Variants in AHI1 observed in about 807,000 individuals in gnomAD.
AHI1 encodes jouberin.
AHI1 carries 123 observed loss-of-function variants against 149.3 expected under a neutral mutation model. The observed-to-expected ratio is 0.82, with a 90% confidence interval of 0.71 to 0.96. The LOEUF (loss-of-function observed/expected upper bound fraction) is 0.96, where lower values mean the gene tolerates loss of function less well. Ranked by LOEUF, AHI1 falls within the 40% of genes least tolerant of loss-of-function variation. The pLI is 0.00. For missense variants in AHI1, 1,439 were observed against 1,422.7 expected (o/e 1.01, Z -0.18); for synonymous variants, 475 against 459.8 (o/e 1.03, Z -0.42).
rs1278116767 is a variant in AHI1 at position 135,284,530 on chromosome 6, T to C, written c.*1115A>G. On this transcript the variant is annotated 3_prime_UTR_variant, in exon 29 of 29. Coordinates refer to ENST00000265602, the MANE Select transcript of AHI1 (RefSeq NM_001134831.2). ...AAAAAATGAATATCCCATTATAATATCAAACTTCAAAACATATAGTCTATA... is the reference window on the plus strand; with the variant it reads ...AAAAAATGAATATCCCATTATAATACCAAACTTCAAAACATATAGTCTATA... The C allele has an allele frequency of 6.6e-6, 1 of 152,138 alleles. No homozygotes were observed. The highest frequency in any genetic ancestry group is 1.5e-5 in the Non-Finnish European group (1 of 68,020). 9.4% of individuals were successfully genotyped at this position (152,138 alleles called of 1,614,324 possible).
intron 3 of AHI1, among the ~76,000 whole-genome samples, chr6:135,493,980 T>C (rs928985299): frequency 6.6e-6 from 1 of 152,074 alleles, no homozygotes; most frequent in Admixed American, 6.5e-5. Flanking sequence ...AATGTGGAGG[T>C]TGCAGGGAGC....
intron 23 of AHI1, among the ~76,000 whole-genome samples, chr6:135,392,994 GA>G (rs1452438402): frequency 6.6e-6 from 1 of 152,090 alleles, no homozygotes; most frequent in African/African-American, 2.4e-5. Flanking sequence ...ACATTTCTAA[GA>G]AAGATACGCC....
intron 21 of AHI1, among the ~76,000 whole-genome samples, chr6:135,406,198 C>G (rs1780774902): frequency 6.6e-6 from 1 of 152,200 alleles, no homozygotes; most frequent in Non-Finnish European, 1.5e-5. Context: ...ATCGGTATAT[C>G]TCATTCTAAG....
chr6:135,301,905 C>T (rs1417108940), intron 26 of AHI1: 36 of 985,234 alleles, frequency 3.7e-5, no homozygotes, highest in Non-Finnish European at 4.3e-5. Flanking sequence ...TCAGAAAGCA[C>T]CATCATAACA....
At chr6:135,402,416 C>T (rs919359985) in intron 22 of AHI1, among the ~76,000 whole-genome samples, 3 of 152,080 alleles carry the variant, frequency 2.0e-5, no homozygotes, top group East Asian at 1.9e-4. Flanking sequence ...TAGAAACAAC[C>T]CAAATGTTCA....
chr6:135,350,084 C>A (rs139939975), intron 24 of AHI1, among the ~76,000 whole-genome samples: 1 of 152,336 alleles, frequency 6.6e-6, no homozygotes, highest in East Asian at 1.9e-4. Flanking sequence ...AGGTTTATCT[C>A]ATGGCAGTCC....
chr6:135,297,100 C>A (rs949620046), intron 27 of AHI1, among the ~76,000 whole-genome samples: 22 of 152,290 alleles, frequency 1.4e-4, no homozygotes, highest in African/African-American at 5.3e-4. Context: ...GCAGTAGCAT[C>A]GAGGTCTAGG....
At chr6:135,405,112 T>C in intron 21 of AHI1, 135 bp from the exon 22 acceptor site, 4 of 692,896 alleles carry the variant, frequency 5.8e-6, no homozygotes, top group Non-Finnish European at 9.5e-6. Flanking sequence ...ATCCTGCCGT[T>C]GTCACTCTGC....
chr6:135,450,134 T>G (rs1787876381), intron 11 of AHI1, among the ~76,000 whole-genome samples: 1 of 152,048 alleles, frequency 6.6e-6, no homozygotes, highest in Admixed American at 6.5e-5. Flanking sequence ...AGACTGATAT[T>G]AAGGAGGTAG....
intron 23 of AHI1, among the ~76,000 whole-genome samples, chr6:135,389,193 C>G (rs1031807637): frequency 1.1e-4 from 17 of 151,750 alleles, no homozygotes; most frequent in Admixed American, 9.8e-4. Context: ...CACCTGTAGT[C>G]CCAGCTACTC....
At position 135,442,768 on chromosome 6, in the gene AHI1, C is replaced by T. The variant is rs926924030; in HGVS notation, c.1780-54G>A. ...ATTAGCAAACATTAAAACGCGAAGG[C>T]TAGTTTTTAATTTCAATTACTGTAG... On this transcript the variant is annotated intron_variant, in intron 13 of 28. Coordinates refer to ENST00000265602, the MANE Select transcript of AHI1 (RefSeq NM_001134831.2). 4.0e-6 allele frequency: 6 copies of T among 1,487,958 alleles called. No individual in the cohort carries two copies. In the Admixed American group the frequency reaches 1.2e-4, roughly 30 times the overall value. The allele number at this position is 1,487,958 out of a possible 1,614,324, so 92.2% of individuals were successfully genotyped here. A position where few individuals can be genotyped will look rare whatever the true frequency, so the allele number is the denominator to read the frequency against.
intron 23 of AHI1, among the ~76,000 whole-genome samples, chr6:135,380,740 C>T (rs1006644809): frequency 4.1e-5 from 5 of 122,932 alleles, no homozygotes; most frequent in Middle Eastern, 3.6e-3. Context: ...AACCCCCCCC[C>T]CCCCAAAAAA....
intron 24 of AHI1, among the ~76,000 whole-genome samples, chr6:135,325,914 G>A (rs56207517): frequency 0.081 from 12,286 of 152,196 alleles, 1,589 homozygotes; most frequent in African/African-American, 0.27. Context: ...ACCTCGGAAA[G>A]TCTGAAGCTT....
chr6:135,488,108 T>C lies in AHI1; in HGVS notation c.135+2515A>G, dbSNP rs1794734834. Among the ~76,000 whole-genome samples, 3 of 152,180 alleles carry C rather than the reference T, an allele frequency of 2.0e-5. No homozygotes were observed. In the South Asian group the frequency reaches 6.2e-4, roughly 31 times the overall value. On this transcript the variant is annotated intron_variant, in intron 5 of 28. Coordinates refer to ENST00000265602, the MANE Select transcript of AHI1 (RefSeq NM_001134831.2). ...CAAATGTACTATATGTTTTTGTGTT[T>C]AGGTGTCTGCAATATTTGACTCTTA...
chr6:135,491,687 A>G lies in AHI1; in HGVS notation c.10+541T>C, dbSNP rs536790705. The stretch of plus-strand genomic sequence containing the variant: ...ATAGTGTACATAGTCATTATGTTTT[A>G]AATTAATAAATGCTGAATGAATGGG... On this transcript the variant is annotated intron_variant, in intron 4 of 28. Coordinates refer to ENST00000265602, the MANE Select transcript of AHI1 (RefSeq NM_001134831.2). Among the ~76,000 whole-genome samples the G allele has an allele frequency of 3.9e-5, 6 of 152,340 alleles. No individual in the cohort carries two copies. In the East Asian group the frequency reaches 1.2e-3, roughly 29 times the overall value.
rs1399241745 is a variant in AHI1, at chr6:135,389,966, A to C, written c.3109+4810T>G. ...CACATGATGACTTTGAATGTGGCTC[A>C]ACATAAATTCATAAATTTTCTTTAA... On this transcript the variant is annotated intron_variant, in intron 23 of 28. Coordinates refer to ENST00000265602, the MANE Select transcript of AHI1 (RefSeq NM_001134831.2). Among the ~76,000 whole-genome samples, 4 of 152,298 alleles carry C rather than the reference A, an allele frequency of 2.6e-5. No homozygotes were observed. In the South Asian group the frequency reaches 8.3e-4, roughly 32 times the overall value.
At chr6:135,435,839 T>C (rs1785318421) in intron 15 of AHI1, among the ~76,000 whole-genome samples, 1 of 152,152 alleles carries the variant, frequency 6.6e-6, no homozygotes, top group Non-Finnish European at 1.5e-5. Context: ...GTGACAAAAC[T>C]GTGAGCCTTT....
chr6:135,490,502 C>A, intron 5 of AHI1, 121 bp downstream of exon 5: 2 of 1,146,474 alleles, frequency 1.7e-6, no homozygotes, highest in South Asian at 1.3e-5. Context: ...TGTTATTGAC[C>A]ATGACATAGT....
chr6:135,427,052 G>A, intron 20 of AHI1, 115 bp downstream of exon 20: 1 of 1,014,102 alleles, frequency 9.9e-7, no homozygotes, highest in Non-Finnish European at 1.4e-6. Context: ...TCCAACATAA[G>A]GGCACAATTA....
Sources: gnomAD v4.1 joint callset for allele counts (sites outside exome capture counted in the v4.1 genomes callset) on GRCh38, gnomAD v4.1.1 for gene constraint, MANE v1.5 for transcripts, NCBI Gene and HGNC (gene_info 2026-07-23, HGNC 2026-07-21) for gene names.